INPP4A: variants seen among roughly 807,000 people sequenced by gnomAD.
INPP4A encodes the protein inositol polyphosphate-4-phosphatase type I A.
A neutral mutation model predicts 119.8 loss-of-function variants in INPP4A; 33 were observed. The observed-to-expected ratio is 0.28, with a 90% CI of 0.21 to 0.37. The LOEUF (loss-of-function observed/expected upper bound fraction) is 0.37. Among genes scored for constraint, INPP4A ranks in the 10% least tolerant of loss-of-function variants. The pLI, the probability that INPP4A is intolerant of heterozygous loss-of-function variation, is 1.00. For synonymous variants in INPP4A, 496 were observed against 500.7 expected (o/e 0.99, Z 0.12); for missense variants, 956 against 1,289.9 (o/e 0.74, Z 3.97).
At chr2:98,505,025 T>C (rs1004494843) in intron 1 of INPP4A, among the ~76,000 whole-genome samples, 2 of 152,246 alleles carry the variant, frequency 1.3e-5, no homozygotes, top group African/African-American at 4.8e-5. Context: ...CTCTAGGCTC[T>C]CTGTCTTTTC....
intron 23 of INPP4A, among the ~76,000 whole-genome samples, chr2:98,574,026 C>T (rs1559105689): frequency 6.6e-6 from 1 of 152,178 alleles, no homozygotes; most frequent in Non-Finnish European, 1.5e-5. Context: ...CCCTCTAAAT[C>T]TTTTCATTAT....
chr2:98,449,050 A>G (rs1257637086), intron 1 of INPP4A, among the ~76,000 whole-genome samples: 1 of 152,170 alleles, frequency 6.6e-6, no homozygotes, highest in African/African-American at 2.4e-5. Context: ...ATATGCTGTG[A>G]TTATCCCATT....
chr2:98,520,649 AT>A (rs1687010402), intron 3 of INPP4A, 37 bp from the exon 4 acceptor site: 1 of 1,337,638 alleles, frequency 7.5e-7, no homozygotes, highest in African/African-American at 1.5e-5. Flanking sequence ...AGAAAAGTTT[AT>A]TAAGGATGAT....
intron 17 of INPP4A, among the ~76,000 whole-genome samples, chr2:98,562,921 G>A (rs3754878): frequency 0.23 from 34,981 of 152,018 alleles, 4,190 homozygotes; most frequent in Middle Eastern, 0.35. Context: ...TGGGAGCTGT[G>A]GGGAATAGTC....
At chr2:98,583,384 A>G (rs1439134712) in intron 24 of INPP4A, among the ~76,000 whole-genome samples, 1 of 152,172 alleles carries the variant, frequency 6.6e-6, no homozygotes, top group African/African-American at 2.4e-5. Context: ...CTGAGAGAGC[A>G]GCAGGGCGCT....
In INPP4A at chr2:98,521,153, G is replaced by A. The variant is rs151334852; in HGVS notation, c.151+422G>A. On this transcript the variant is annotated intron_variant, in intron 4 of 24. Coordinates refer to ENST00000409851, the MANE Select transcript of INPP4A (RefSeq NM_001134225.2). The stretch of plus-strand genomic sequence containing the variant: ...TGTGTTGGCTGAGTTTCGCTCTCTA[G>A]CCCTCAGTTCCCTATTGTATAAAAG... 3.8e-4 allele frequency: 65 copies of A among 170,834 alleles called. 3 individuals carry two copies. Among genetic ancestry groups the A allele is most frequent in the African/African-American group, 1.4e-3 (60 of 41,900 alleles). 10.6% of individuals were successfully genotyped at this position (170,834 alleles called of 1,614,324 possible).
intron 1 of INPP4A, among the ~76,000 whole-genome samples, chr2:98,516,401 A>G (rs1290371396): frequency 6.6e-6 from 1 of 152,162 alleles, no homozygotes; most frequent in African/African-American, 2.4e-5. Flanking sequence ...CAGAAACCTC[A>G]TGATGCCTAG....
At chr2:98,524,701 G>A (rs1371748974) in intron 4 of INPP4A, among the ~76,000 whole-genome samples, 1 of 152,124 alleles carries the variant, frequency 6.6e-6, no homozygotes, top group Non-Finnish European at 1.5e-5. Context: ...AGGGTACTTT[G>A]TAACTTAAAG....
chr2:98,581,894 C>T (rs1025442072), intron 24 of INPP4A: 50 of 1,355,416 alleles, frequency 3.7e-5, no homozygotes, highest in African/African-American at 7.5e-5. Flanking sequence ...TACATTTTGA[C>T]GTTTTGTTCT....
chr2:98,546,326 G>C lies in INPP4A; in HGVS notation c.1054+253G>C, dbSNP rs550102394. On this transcript the variant is annotated intron_variant, in intron 12 of 24. Coordinates refer to ENST00000409851, the MANE Select transcript of INPP4A (RefSeq NM_001134225.2). This position sits in a 1 kb window ranked among gnomAD's most constrained non-coding sequence, Gnocchi z 4.2. Reference sequence around the variant, plus strand: ...CCTGTCGGCCCTTCTTCCCAAGGAGGGATGCAAACGGGAGTTACAGGGTGG... The same window carrying C: ...CCTGTCGGCCCTTCTTCCCAAGGAGCGATGCAAACGGGAGTTACAGGGTGG... 1.3e-5 allele frequency among the ~76,000 whole-genome samples: 2 copies of C among 152,334 alleles called. No homozygotes were observed. Among genetic ancestry groups the C allele is most frequent in the Admixed American group, 1.3e-4 (2 of 15,302 alleles).
chr2:98,574,652 AAG>A (rs1698112021), intron 23 of INPP4A, among the ~76,000 whole-genome samples: 3 of 151,866 alleles, frequency 2.0e-5, no homozygotes, highest in Middle Eastern at 3.4e-3. Context: ...AAAAAAAAAA[AAG>A]AATGCAGAGG....
intron 1 of INPP4A, among the ~76,000 whole-genome samples, chr2:98,446,855 T>A (rs3754892): frequency 0.21 from 31,620 of 151,538 alleles, 3,381 homozygotes; most frequent in Middle Eastern, 0.31. Context: ...TAGCGTTTTT[T>A]AAAAAAAAAT....
At chr2:98,576,926 G>A in intron 23 of INPP4A, 63 bp from the exon 24 acceptor site, 12 of 1,562,716 alleles carry the variant, frequency 7.7e-6, no homozygotes, top group Non-Finnish European at 1.0e-5. Context: ...TTTCCTGTGT[G>A]TGAAGGGTGC....
upstream of INPP4A, chr2:98,444,854 C>G (rs1466674054): frequency 6.6e-6 from 1 of 152,032 alleles, no homozygotes; most frequent in East Asian, 1.9e-4. Flanking sequence ...GGGCTGCGCC[C>G]GGCGTCTAGA....
At chr2:98,551,769 C>T (rs562389932) in intron 13 of INPP4A, among the ~76,000 whole-genome samples, 3 of 152,310 alleles carry the variant, frequency 2.0e-5, no homozygotes, top group Admixed American at 6.5e-5. Context: ...ACCCATTCTA[C>T]CCAGAGCTCA....
chr2:98,506,263 G>A (rs928920637), intron 1 of INPP4A, among the ~76,000 whole-genome samples: 12 of 152,222 alleles, frequency 7.9e-5, no homozygotes, highest in Non-Finnish European at 1.5e-5. Flanking sequence ...TCGAATTAAT[G>A]TGCTCTGCAC....
At chr2:98,534,703 A>G (rs948787436) in intron 5 of INPP4A, among the ~76,000 whole-genome samples, 12 of 152,240 alleles carry the variant, frequency 7.9e-5, no homozygotes, top group Non-Finnish European at 1.5e-4. Context: ...GGAGTTTATC[A>G]GCAGATGGTA....
At position 98,566,228 on chromosome 2, in the gene INPP4A, A is replaced by T. The variant is rs1696416412; in HGVS notation, c.2420+59A>T. 2.0e-6 allele frequency: 3 copies of T among 1,494,782 alleles called. No homozygotes were observed. In the East Asian group the frequency reaches 7.3e-5, roughly 36 times the overall value. The allele number at this position is 1,494,782 out of a possible 1,614,324, so 92.6% of individuals were successfully genotyped here. On this transcript the variant is annotated intron_variant, in intron 21 of 24. Transcript: ENST00000409851. This position sits in a 1 kb window ranked among gnomAD's most constrained non-coding sequence, Gnocchi z 4.2. Reference sequence around the variant, plus strand: ...GGTGGCCCTGGAGATGATGCAGAAAACGTACTTACCCCTCTTCAGGCTCTA... The same window carrying T: ...GGTGGCCCTGGAGATGATGCAGAAATCGTACTTACCCCTCTTCAGGCTCTA...
chr2:98,544,045 GC>G, intron 11 of INPP4A, 38 bp downstream of exon 11: 1 of 1,441,432 alleles, frequency 6.9e-7, no homozygotes, highest in Non-Finnish European at 9.4e-7. Flanking sequence ...ACACGCGTGC[GC>G]ACACACACAC....
Sources: allele counts gnomAD v4.1 joint callset (sites outside exome capture counted in the v4.1 genomes callset), GRCh38; gene constraint gnomAD v4.1.1; non-coding constraint Gnocchi (gnomAD v3.1); transcripts MANE v1.5; gene names NCBI Gene and HGNC (gene_info 2026-07-23, HGNC 2026-07-21).